BIN1: variants seen among roughly 807,000 people sequenced by gnomAD.
BIN1 encodes the protein bridging integrator 1.
In BIN1, 53 loss-of-function variants were observed where a neutral mutation model predicts 82.0. The observed-to-expected ratio is 0.65, with a 90% CI of 0.52 to 0.81. The LOEUF (loss-of-function observed/expected upper bound fraction) is 0.81, where lower values mean the gene tolerates loss of function less well. Among genes scored for constraint, BIN1 ranks in the 40% least tolerant of loss-of-function variants. The pLI, the probability that BIN1 is intolerant of heterozygous loss-of-function variation, is 0.00. For missense variants in BIN1, 642 were observed against 784.4 expected (o/e 0.82, Z 2.17); for synonymous variants, 302 against 328.0 (o/e 0.92, Z 0.86).
At chr2:127,101,517 G>A (rs1033953185) in intron 1 of BIN1, among the ~76,000 whole-genome samples, 5 of 152,140 alleles carry the variant, frequency 3.3e-5, no homozygotes, top group African/African-American at 1.2e-4. Flanking sequence ...ATACTTGGTG[G>A]TTTCTTCACC....
In BIN1 at chr2:127,075,944, T is replaced by G. The variant is rs1048649668; in HGVS notation, c.165+682A>C. On this transcript the variant is annotated intron_variant, in intron 2 of 18. Transcript: ENST00000316724. ...CCAGAATGCTCCCAGCCCTCCCAGT[T>G]GCTCCTGGTCCTGTCCCAGAATGCT... 7.3e-4 allele frequency among the ~76,000 whole-genome samples: 100 copies of G among 136,754 alleles called. 1 individual carries two copies. Among genetic ancestry groups the G allele is most frequent in the Non-Finnish European group, 1.4e-3 (90 of 63,514 alleles). 89.7% of individuals were successfully genotyped at this position (136,754 alleles called of 152,430 possible).
rs1573816260 is a variant in BIN1 at position 127,100,864 on chromosome 2, G to A, written c.84+5996C>T. 3.9e-5 allele frequency among the ~76,000 whole-genome samples: 6 copies of A among 152,254 alleles called. No individual in the cohort carries two copies. The East Asian group carries it at 1.2e-3, about 30-fold the overall frequency. On this transcript the variant is annotated intron_variant, in intron 1 of 18. Transcript: ENST00000316724. Reference sequence around the variant, plus strand: ...AGGAGCAGAACCTGGAGCCCCACCTGAGTGGGCAGCCTCTCCAGCACATTT... The same window carrying A: ...AGGAGCAGAACCTGGAGCCCCACCTAAGTGGGCAGCCTCTCCAGCACATTT...
chr2:127,050,574 GCA>G lies in BIN1; in HGVS notation c.1573-54_1573-53del, dbSNP rs563283906. The G allele has an allele frequency of 2.0e-4, 326 of 1,592,846 alleles. 3 individuals carry two copies. In the East Asian group the frequency reaches 7.1e-3, roughly 35 times the overall value. On this transcript the variant is annotated intron_variant, in intron 17 of 18. Transcript: ENST00000316724. ...GACCTTCCGTCCCACCTCCAGCCCTGCACAGAGCACGGGCCTTGCGTGTGGGA... is the reference window on the plus strand; with the variant it reads ...GACCTTCCGTCCCACCTCCAGCCCTGCAGAGCACGGGCCTTGCGTGTGGGA...
intron 1 of BIN1, among the ~76,000 whole-genome samples, chr2:127,078,861 C>T (rs1295875199): frequency 6.6e-6 from 1 of 151,902 alleles, no homozygotes; most frequent in African/African-American, 2.4e-5. Flanking sequence ...CCCCACAGCC[C>T]CACCCCCTCC....
chr2:127,070,889 A>C, intron 2 of BIN1, 73 bp from the exon 3 acceptor site: 2 of 1,471,890 alleles, frequency 1.4e-6, no homozygotes, highest in East Asian at 2.4e-5. Context: ...CCTTCCTGCC[A>C]CCCTCACGTG....
intron 7 of BIN1, 58 bp from the exon 8 acceptor site, chr2:127,064,076 T>C: frequency 6.3e-7 from 1 of 1,597,992 alleles, no homozygotes; most frequent in Non-Finnish European, 8.6e-7. Context: ...CCCAGCCCCA[T>C]GGCCAGTCCT....
rs753047394 is a variant in BIN1, at chr2:127,092,637, C to A, written c.84+14223G>T. Among the ~76,000 whole-genome samples, 114 of 152,218 alleles carry A rather than the reference C, an allele frequency of 7.5e-4. 2 individuals are homozygous for A. Among genetic ancestry groups the A allele is most frequent in the Middle Eastern group, 6.3e-3 (2 of 316 alleles). ...CAAGGGCCTCCCACTGACCCGCAGC[C>A]CCGGGCAAGTCACCAGCCTTCCAGA... On this transcript the variant is annotated intron_variant, in intron 1 of 18. Transcript: ENST00000316724.
intron 9 of BIN1, among the ~76,000 whole-genome samples, chr2:127,062,793 T>C (rs1255162587): frequency 6.6e-6 from 1 of 152,254 alleles, no homozygotes; most frequent in African/African-American, 2.4e-5. Context: ...TTCTCTATTT[T>C]TTAAACTTTT....
Position 127,068,101 on chromosome 2 carries a change from C to T in BIN1, c.612+62G>A. 2.6e-6 allele frequency: 4 copies of T among 1,524,950 alleles called. No individual in the cohort carries two copies. Among genetic ancestry groups the T allele is most frequent in the African/African-American group, 1.4e-5 (1 of 72,866 alleles). The allele number at this position is 1,524,950 out of a possible 1,614,324, so 94.5% of individuals were successfully genotyped here. A position where few individuals can be genotyped will look rare whatever the true frequency, so the allele number is the denominator to read the frequency against. The stretch of plus-strand genomic sequence containing the variant: ...GCCAGCCCTGCATTCCACCGCAGGG[C>T]GAGAGGACAGGACGACAGACCGGAA... On this transcript the variant is annotated intron_variant, in intron 7 of 18. Transcript: ENST00000316724. This position sits in a 1 kb window ranked among gnomAD's most constrained non-coding sequence, Gnocchi z 4.9.
At position 127,063,900 on chromosome 2, in the gene BIN1, CCCACGCAGGCTGGGCACCGTGCT is replaced by C; in HGVS notation, c.698+10_698+32del. On this transcript the variant is annotated intron_variant, in intron 8 of 18. Transcript: ENST00000316724. ...CCGCAGCACGCAGACTGGACACTGC[CCCACGCAGGCTGGGCACCGTGCT>C]GGGCCTCACCTGTTCCACAGGGACG... 6.2e-7 allele frequency: 1 copy of C among 1,610,034 alleles called. No individual in the cohort carries two copies. The highest frequency in any genetic ancestry group is 8.5e-7 in the Non-Finnish European group (1 of 1,177,696).
chr2:127,048,422 T>G lies in BIN1; in HGVS notation c.*104A>C. On this transcript the variant is annotated 3_prime_UTR_variant, in exon 19 of 19. Transcript: ENST00000316724. ...TGGGGGTCTCCTCTTGATTTCCCTTTGCTCTTCAAAAGATGAAAAACGAAA... is the reference window on the plus strand; with the variant it reads ...TGGGGGTCTCCTCTTGATTTCCCTTGGCTCTTCAAAAGATGAAAAACGAAA... The G allele has an allele frequency of 8.8e-7, 1 of 1,130,182 alleles. No homozygotes were observed. The highest frequency in any genetic ancestry group is 1.3e-5 in the South Asian group (1 of 79,290). 70.0% of individuals were successfully genotyped at this position (1,130,182 alleles called of 1,614,324 possible). A position where few individuals can be genotyped will look rare whatever the true frequency, so the allele number is the denominator to read the frequency against.
At chr2:127,062,777 A>G (rs1684670488) in intron 9 of BIN1, among the ~76,000 whole-genome samples, 1 of 152,246 alleles carries the variant, frequency 6.6e-6, no homozygotes, top group Non-Finnish European at 1.5e-5. Context: ...CTTCTCTGAA[A>G]CACCTTTCTC....
At chr2:127,087,318 A>G (rs1270600019) in intron 1 of BIN1, among the ~76,000 whole-genome samples, 1 of 152,184 alleles carries the variant, frequency 6.6e-6, no homozygotes. Flanking sequence ...TGCAGCTGGA[A>G]GGGAAGGCTC....
intron 18 of BIN1, among the ~76,000 whole-genome samples, chr2:127,049,534 C>T (rs1165891052): frequency 1.3e-5 from 2 of 152,234 alleles, no homozygotes; most frequent in Non-Finnish European, 1.5e-5. Flanking sequence ...CACCCTCAGC[C>T]GCTCTGATAA....
At chr2:127,105,327 GGCTGCCTGCTCCA>G (rs975113686) in intron 1 of BIN1, among the ~76,000 whole-genome samples, 2 of 152,102 alleles carry the variant, frequency 1.3e-5, no homozygotes, top group Non-Finnish European at 2.9e-5. Context: ...TCTGGCCCAG[GGCTGCCTGCTCCA>G]GGCACACAGA....
chr2:127,051,318 G>C lies in BIN1; in HGVS notation c.1372-75C>G, dbSNP rs1439064712. On this transcript the variant is annotated intron_variant, in intron 15 of 18. Transcript: ENST00000316724. ...AGGACACAGGAAACAGGCCACAGGA[G>C]GGCAGCACCCAAGCGACAGGGCCGG... is the stretch of plus-strand genomic sequence containing the variant. The C allele has an allele frequency of 2.3e-5, 34 of 1,510,090 alleles. No individual in the cohort carries two copies. In the East Asian group the frequency reaches 3.0e-4, roughly 13 times the overall value. The allele number at this position is 1,510,090 out of a possible 1,614,324, so 93.5% of individuals were successfully genotyped here.
chr2:127,064,958 A>G (rs886281551), intron 7 of BIN1: 1 of 152,280 alleles, frequency 6.6e-6, no homozygotes, highest in Middle Eastern at 3.2e-3. Flanking sequence ...GTCACAGCCC[A>G]GGAAAGTGTC....
chr2:127,103,800 GA>G (rs1448524089), intron 1 of BIN1, among the ~76,000 whole-genome samples: 13 of 152,226 alleles, frequency 8.5e-5, no homozygotes, highest in Non-Finnish European at 1.9e-4. Context: ...CCACTCTTCT[GA>G]GGCCCAAAAA....
Position 127,053,313 on chromosome 2 carries a change from G to T in BIN1, c.1263+109C>A, listed in dbSNP as rs1026097714. On this transcript the variant is annotated intron_variant, in intron 14 of 18. Coordinates refer to ENST00000316724, the MANE Select transcript of BIN1 (RefSeq NM_139343.3). ...GTGCCTGTGTGTCCTGCGTGTGGGG[G>T]GTGTGTGGGGTGCATGCACCTGTGA... 1.2e-5 allele frequency: 18 copies of T among 1,464,994 alleles called. 1 individual carries two copies. In the Admixed American group the frequency reaches 2.9e-4, roughly 24 times the overall value. 90.7% of individuals were successfully genotyped at this position (1,464,994 alleles called of 1,614,324 possible). A position where few individuals can be genotyped will look rare whatever the true frequency, so the allele number is the denominator to read the frequency against.
Sources: allele counts gnomAD v4.1 joint callset (sites outside exome capture counted in the v4.1 genomes callset), GRCh38; gene constraint gnomAD v4.1.1; non-coding constraint Gnocchi (gnomAD v3.1); transcripts MANE v1.5; gene names NCBI Gene and HGNC (gene_info 2026-07-23, HGNC 2026-07-21).